The following COG5 variants were observed in gnomAD, a reference collection of about 807,000 sequenced individuals.
COG5 encodes component of oligomeric golgi complex 5.
In COG5, 86 loss-of-function variants were observed where a neutral mutation model predicts 110.4. The ratio of observed to expected loss-of-function variants is 0.78; its 90% CI spans 0.65 to 0.93. COG5 has a LOEUF of 0.93. Among genes scored for constraint, COG5 ranks in the 40% least tolerant of loss-of-function variants. The pLI is 0.00. For missense variants in COG5, 1,077 were observed against 987.0 expected, an observed-to-expected ratio of 1.09 and a Z score of -1.22; for synonymous variants, 360 against 334.6, an observed-to-expected ratio of 1.08 and a Z score of -0.83.
chr7:107,409,126 GA>G (rs1212036311), intron 7 of COG5, among the ~76,000 whole-genome samples: 1 of 147,154 alleles, frequency 6.8e-6, no homozygotes, highest in African/African-American at 2.5e-5. Flanking sequence ...GATCATCAAG[GA>G]AAAGCATTTA....
At chr7:107,311,631 G>C (rs1471943161) in intron 11 of COG5, among the ~76,000 whole-genome samples, 8 of 150,248 alleles carry the variant, frequency 5.3e-5, no homozygotes, top group Non-Finnish European at 7.4e-5. Flanking sequence ...CTGACCTCAT[G>C]ATCCACCTGC....
At chr7:107,357,218 A>C (rs1812703817) in intron 10 of COG5, among the ~76,000 whole-genome samples, 1 of 152,184 alleles carries the variant, frequency 6.6e-6, no homozygotes, top group African/African-American at 2.4e-5. Flanking sequence ...GTATTTGAAG[A>C]AAAAGACCAT....
intron 20 of COG5, 43 bp from the exon 21 acceptor site, chr7:107,210,648 T>C (rs1351357077): frequency 6.4e-7 from 1 of 1,556,188 alleles, no homozygotes; most frequent in East Asian, 2.3e-5. Context: ...ATACGCATTC[T>C]TTAGTAAATG....
intron 6 of COG5, chr7:107,475,339 G>A: frequency 1.3e-6 from 2 of 1,540,898 alleles, no homozygotes; most frequent in Non-Finnish European, 1.8e-6. Context: ...AAAATGTTTA[G>A]TGCCTCAGGT....
At chr7:107,394,614 T>C (rs1790855697) in intron 7 of COG5, among the ~76,000 whole-genome samples, 1 of 152,216 alleles carries the variant, frequency 6.6e-6, no homozygotes. Context: ...CAAGCAATAT[T>C]TTAGTTTACA....
At chr7:107,384,960 T>C (rs1357670386) in intron 7 of COG5, among the ~76,000 whole-genome samples, 1 of 152,226 alleles carries the variant, frequency 6.6e-6, no homozygotes, top group Non-Finnish European at 1.5e-5. Context: ...CATAGTGAGT[T>C]GAACAATGTC....
intron 6 of COG5, among the ~76,000 whole-genome samples, chr7:107,414,703 C>CTTTTTTTTTTTTTTTTTTTTTTTTTTTT (rs530323655): frequency 1.6e-5 from 1 of 61,716 alleles, no homozygotes; most frequent in Non-Finnish European, 3.8e-5. Context: ...CTCACTGTCC[C>CTTTTTTTTTTTTTTTTTTTTTTTTTTTT]TTTTTTTTTT....
intron 6 of COG5, among the ~76,000 whole-genome samples, chr7:107,496,385 A>C (rs547105176): frequency 1.3e-5 from 2 of 152,308 alleles, no homozygotes; most frequent in Admixed American, 6.5e-5. Context: ...CTGACTGGGC[A>C]CAGTGGTTCA....
intron 10 of COG5, among the ~76,000 whole-genome samples, chr7:107,329,977 T>C (rs922742462): frequency 6.6e-6 from 1 of 152,200 alleles, no homozygotes; most frequent in Non-Finnish European, 1.5e-5. Flanking sequence ...TGAAGCTATA[T>C]AAAAATCACT....
chr7:107,210,328 G>T, intron 21 of COG5, 198 bp downstream of exon 21: 1 of 1,430,838 alleles, frequency 7.0e-7, no homozygotes, highest in Middle Eastern at 2.6e-4. Flanking sequence ...TGGAATGAAA[G>T]AAAGCAAAAG....
intron 6 of COG5, among the ~76,000 whole-genome samples, chr7:107,456,661 T>C (rs1276121995): frequency 2.0e-5 from 3 of 152,160 alleles, no homozygotes; most frequent in Non-Finnish European, 4.4e-5. Flanking sequence ...GAAAATTCTA[T>C]ATAGGGACTC....
At chr7:107,455,451 G>A (rs1023896717) in intron 6 of COG5, among the ~76,000 whole-genome samples, 3 of 152,186 alleles carry the variant, frequency 2.0e-5, no homozygotes, top group Non-Finnish European at 2.9e-5. Context: ...TGGTAAAAAT[G>A]AAAGGGGAAG....
At chr7:107,547,120 C>A (rs924302299) in intron 5 of COG5, among the ~76,000 whole-genome samples, 1 of 152,100 alleles carries the variant, frequency 6.6e-6, no homozygotes, top group African/African-American at 2.4e-5. Context: ...GATGCAAAAT[C>A]CTCAACAAAA....
intron 6 of COG5, among the ~76,000 whole-genome samples, chr7:107,417,416 A>G (rs1033678566): frequency 1.3e-5 from 2 of 152,116 alleles, no homozygotes; most frequent in Non-Finnish European, 2.9e-5. Context: ...AAAAATATCA[A>G]TTTTTGACAG....
rs139183279 is a variant in COG5, at chr7:107,495,952, AT to A, written c.538+31284del. ...ATTTATTTTTACTCATTTTTTAATT[AT>A]TTTTTTTTTTAAGAGACAAGGTCTC... On this transcript the variant is annotated intron_variant, in intron 6 of 21. Transcript: ENST00000297135. Among the ~76,000 whole-genome samples the A allele has an allele frequency of 3.7e-3, 545 of 148,478 alleles. 4 individuals are homozygous for A. The highest frequency in any genetic ancestry group is 0.011 in the African/African-American group (460 of 40,508).
intron 7 of COG5, among the ~76,000 whole-genome samples, chr7:107,407,463 T>C (rs531315377): frequency 1.9e-4 from 29 of 152,300 alleles, no homozygotes; most frequent in Non-Finnish European, 2.5e-4. Flanking sequence ...AAATACTTAT[T>C]GAGCAATTCA....
rs567949919 is a variant in COG5 at position 107,411,596 on chromosome 7, A to G, written c.669+906T>C. On this transcript the variant is annotated intron_variant, in intron 7 of 21. Transcript: ENST00000297135. ...GTTCACACTGTGGTATTCATTCTATATGAAAGTTTATGATTTGTCCACTTT... is the reference window on the plus strand; with the variant it reads ...GTTCACACTGTGGTATTCATTCTATGTGAAAGTTTATGATTTGTCCACTTT... 2.0e-5 allele frequency among the ~76,000 whole-genome samples: 3 copies of G among 152,248 alleles called. No homozygotes were observed. In the South Asian group the frequency reaches 6.2e-4, roughly 32 times the overall value.
Position 107,474,366 on chromosome 7 carries a change from CCTT to C in COG5, c.538+52868_538+52870del, listed in dbSNP as rs754471375. The C allele has an allele frequency of 8.7e-6, 14 of 1,612,632 alleles. No individual in the cohort carries two copies. The highest frequency in any genetic ancestry group is 1.1e-5 in the Non-Finnish European group (13 of 1,178,852). ...GATGTATTCCTCTAACTATAGTTAT[CCTT>C]CTGCTTTCACTGGAGAGTAACACTG... On this transcript the variant is annotated intron_variant, in intron 6 of 21. Transcript: ENST00000297135. The surrounding 1 kb of genome is among the most constrained non-coding windows in gnomAD (Gnocchi z 5.7).
intron 6 of COG5, among the ~76,000 whole-genome samples, chr7:107,450,817 A>G (rs1488871024): frequency 1.3e-5 from 2 of 152,190 alleles, no homozygotes; most frequent in Non-Finnish European, 2.9e-5. Context: ...AATTGCGTCC[A>G]CTGTTGGTTT....
Sources: gnomAD v4.1 joint callset for allele counts (sites outside exome capture counted in the v4.1 genomes callset) on GRCh38, gnomAD v4.1.1 for gene constraint, Gnocchi (gnomAD v3.1) non-coding constraint, MANE v1.5 for transcripts, NCBI Gene and HGNC (gene_info 2026-07-23, HGNC 2026-07-21) for gene names.